Variants in FHIT observed in about 807,000 individuals in gnomAD.
FHIT encodes fragile histidine triad diadenosine triphosphatase, also known as bis(5'-adenosyl)-triphosphatase.
A neutral mutation model predicts 17.9 loss-of-function variants in FHIT; 19 were observed. The observed-to-expected ratio is 1.06, with a 90% CI of 0.74 to 1.56. The LOEUF (loss-of-function observed/expected upper bound fraction) is 1.56, where lower values mean the gene tolerates loss of function less well. Ranked by LOEUF, FHIT falls within the 40% of genes most tolerant of loss-of-function variation. The pLI, the probability that FHIT is intolerant of heterozygous loss-of-function variation, is 0.00. For synonymous variants in FHIT, 81 were observed against 69.7 expected (o/e 1.16, Z -0.81); for missense variants, 248 against 189.2 (o/e 1.31, Z -1.82).
intron 2 of FHIT, among the ~76,000 whole-genome samples, chr3:61,042,852 A>C (rs1454117311): frequency 6.6e-6 from 1 of 152,000 alleles, no homozygotes; most frequent in African/African-American, 2.4e-5. Flanking sequence ...AAAAAAAAAA[A>C]ATTAAACACT....
intron 8 of FHIT, among the ~76,000 whole-genome samples, chr3:59,793,691 C>A (rs773954675): frequency 4.6e-5 from 7 of 152,192 alleles, no homozygotes; most frequent in Non-Finnish European, 1.0e-4. Context: ...AGTGAGGGGA[C>A]AGGACTTTAA....
intron 8 of FHIT, among the ~76,000 whole-genome samples, chr3:59,824,822 T>C (rs1308667062): frequency 6.6e-6 from 1 of 152,158 alleles, no homozygotes; most frequent in East Asian, 1.9e-4. Context: ...CTCTATCCTC[T>C]CTCTCGGCCT....
At chr3:60,875,920 T>TGTG (rs1704629950) in intron 3 of FHIT, among the ~76,000 whole-genome samples, 1 of 128,838 alleles carries the variant, frequency 7.8e-6, no homozygotes, top group Non-Finnish European at 1.6e-5. Flanking sequence ...GGAAAACTTA[T>TGTG]TCATGTGTGT....
intron 5 of FHIT, among the ~76,000 whole-genome samples, chr3:60,252,140 TG>T (rs1184724016): frequency 2.0e-5 from 3 of 152,222 alleles, no homozygotes; most frequent in African/African-American, 7.2e-5. Flanking sequence ...AAAATATTTT[TG>T]CAACAGCTCT....
At chr3:60,323,079 A>G (rs1236092746) in intron 5 of FHIT, among the ~76,000 whole-genome samples, 4 of 152,058 alleles carry the variant, frequency 2.6e-5, no homozygotes, top group Admixed American at 2.6e-4. Context: ...CCTACTTCCA[A>G]CTTCCTGCAA....
intron 5 of FHIT, among the ~76,000 whole-genome samples, chr3:60,369,269 G>C (rs1308167452): frequency 6.6e-6 from 1 of 152,074 alleles, no homozygotes; most frequent in Non-Finnish European, 1.5e-5. Flanking sequence ...ACCACACCCA[G>C]CCATGGCACT....
At chr3:61,203,883 G>GAAAT (rs1363811381) in intron 1 of FHIT, among the ~76,000 whole-genome samples, 1 of 152,226 alleles carries the variant, frequency 6.6e-6, no homozygotes, top group Non-Finnish European at 1.5e-5. Context: ...TACTCACAGA[G>GAAAT]ATTTGTACAA....
At chr3:60,800,498 C>T (rs1029834762) in intron 4 of FHIT, among the ~76,000 whole-genome samples, 6 of 152,052 alleles carry the variant, frequency 3.9e-5, no homozygotes, top group Non-Finnish European at 7.4e-5. Flanking sequence ...TAAACAAAGG[C>T]TTACAACTAG....
At chr3:60,589,951 T>A (rs979570141) in intron 4 of FHIT, among the ~76,000 whole-genome samples, 2 of 152,040 alleles carry the variant, frequency 1.3e-5, no homozygotes, top group Admixed American at 6.6e-5. Flanking sequence ...CCTCTTCAAC[T>A]CTGGGTAAAT....
chr3:60,046,456 G>A (rs1701657732), intron 5 of FHIT, among the ~76,000 whole-genome samples: 1 of 152,226 alleles, frequency 6.6e-6, no homozygotes, highest in South Asian at 2.1e-4. Context: ...GGCTCGGCCA[G>A]CTGACAGCAG....
chr3:60,854,251 C>T (rs1025780895), intron 3 of FHIT, among the ~76,000 whole-genome samples: 3 of 152,092 alleles, frequency 2.0e-5, no homozygotes, highest in African/African-American at 7.2e-5. Context: ...CTCTCTTTCC[C>T]TAACTTTTCT....
intron 2 of FHIT, among the ~76,000 whole-genome samples, chr3:61,100,854 T>C (rs2106848942): frequency 6.6e-6 from 1 of 152,360 alleles, no homozygotes; most frequent in South Asian, 2.1e-4. Flanking sequence ...TGCATAGATG[T>C]CTTCTTTTGA....
At chr3:60,247,451 A>T (rs76152540) in intron 5 of FHIT, among the ~76,000 whole-genome samples, 1 of 139,460 alleles carries the variant, frequency 7.2e-6, no homozygotes, top group South Asian at 2.4e-4. Flanking sequence ...AAGATGAAGA[A>T]GAAGAAGAAA....
intron 5 of FHIT, among the ~76,000 whole-genome samples, chr3:60,261,002 C>T (rs1450106210): frequency 6.6e-6 from 1 of 151,980 alleles, no homozygotes; most frequent in Admixed American, 6.6e-5. Context: ...CCGGGAATTG[C>T]CAACCCCATT....
At chr3:60,430,479 T>C (rs1004032098) in intron 5 of FHIT, among the ~76,000 whole-genome samples, 21 of 152,088 alleles carry the variant, frequency 1.4e-4, no homozygotes, top group African/African-American at 4.8e-4. Context: ...TCCCATTTTG[T>C]TCTGGTTCAT....
intron 3 of FHIT, among the ~76,000 whole-genome samples, chr3:60,835,195 T>C (rs527357656): frequency 2.9e-4 from 44 of 152,250 alleles, no homozygotes; most frequent in Non-Finnish European, 5.3e-4. Flanking sequence ...TTCAAAATTG[T>C]TTTAGCTACT....
chr3:59,985,122 C>G (rs943360574), intron 7 of FHIT, among the ~76,000 whole-genome samples: 4 of 152,062 alleles, frequency 2.6e-5, no homozygotes, highest in African/African-American at 9.7e-5. Flanking sequence ...GCAGAGTTGC[C>G]TGCTCTAACT....
intron 3 of FHIT, among the ~76,000 whole-genome samples, chr3:60,863,948 G>A (rs538543693): frequency 5.3e-5 from 8 of 152,042 alleles, no homozygotes; most frequent in African/African-American, 1.7e-4. Context: ...AGAAATACCC[G>A]AGATGGGATA....
chr3:60,122,156 C>T (rs933285321), intron 5 of FHIT, among the ~76,000 whole-genome samples: 2 of 151,746 alleles, frequency 1.3e-5, no homozygotes, highest in African/African-American at 2.4e-5. Flanking sequence ...TAGAAAGCAA[C>T]ACACAACTGT....
Sources: gnomAD v4.1 joint callset for allele counts (sites outside exome capture counted in the v4.1 genomes callset) on GRCh38, gnomAD v4.1.1 for gene constraint, MANE v1.5 for transcripts, NCBI Gene and HGNC (gene_info 2026-07-23, HGNC 2026-07-21) for gene names.